Variants in GALC observed in about 807,000 individuals in gnomAD.
GALC encodes the protein galactosylceramidase.
GALC carries 77 observed loss-of-function variants against 91.8 expected under a neutral mutation model. The ratio of observed to expected loss-of-function variants is 0.84; its 90% CI spans 0.70 to 1.01. The LOEUF is 1.01. Ranked by LOEUF, GALC falls within the 50% of genes least tolerant of loss-of-function variation. GALC has a pLI of 0.00. For synonymous variants in GALC, 357 were observed against 306.7 expected, an observed-to-expected ratio of 1.16 and a Z score of -1.71; for missense variants, 882 against 855.9, an observed-to-expected ratio of 1.03 and a Z score of -0.38.
chr14:87,936,515 G>C (rs916226306), intron 16 of GALC, among the ~76,000 whole-genome samples: 1 of 151,664 alleles, frequency 6.6e-6, no homozygotes, highest in Admixed American at 6.6e-5. Flanking sequence ...GGCCCACGAA[G>C]TCTAAAATAT....
intron 15 of GALC, among the ~76,000 whole-genome samples, chr14:87,940,619 T>A (rs888999546): frequency 6.6e-6 from 1 of 151,968 alleles, no homozygotes; most frequent in African/African-American, 2.4e-5. Context: ...TAAGTTCAGA[T>A]TGGTAATGCT....
At chr14:87,948,062 G>C (rs1027339880) in intron 12 of GALC, among the ~76,000 whole-genome samples, 184 bp from the exon 13 acceptor site, 19 of 151,936 alleles carry the variant, frequency 1.3e-4, no homozygotes, top group African/African-American at 4.6e-4. Context: ...AAGTATTTTA[G>C]AAAACTTTAT....
Position 87,947,850 on chromosome 14 carries a change from A to G in GALC, c.1367T>C (p.Leu456Pro). The G allele has an allele frequency of 6.2e-7, 1 of 1,612,564 alleles. No homozygotes were observed. The highest frequency in any genetic ancestry group is 1.3e-5 in the African/African-American group (1 of 74,922). ...WLLDSDGSFTLSLHEDELFTL... is the reference protein window; with the variant it reads ...WLLDSDGSFTPSLHEDELFTL... ...GAACAGCTCATCTTCATGCAGGCTC[A>G]GTGTGAAACTGCCATCGCTGTCAAG... Residue 456 changes from leucine to proline, a missense_variant, in exon 13 of 17, where the codon CTG becomes CCG. Physicochemically the swap from Leu to Pro is moderately conservative, Grantham distance 98. Transcript: ENST00000261304.
intron 7 of GALC, among the ~76,000 whole-genome samples, chr14:87,975,992 T>C (rs1244695092): frequency 6.6e-6 from 1 of 152,204 alleles, no homozygotes; most frequent in Non-Finnish European, 1.5e-5. Context: ...AAAGTGTTCA[T>C]GCAAGAACTT....
intron 10 of GALC, 119 bp from the exon 11 acceptor site, chr14:87,950,867 T>G: frequency 1.5e-6 from 1 of 647,094 alleles, no homozygotes; most frequent in Non-Finnish European, 2.8e-6. Context: ...ATAACAAATA[T>G]GAGTTTATTT....
intron 6 of GALC, among the ~76,000 whole-genome samples, chr14:87,979,476 T>C (rs904155982): frequency 2.0e-5 from 3 of 152,246 alleles, no homozygotes; most frequent in African/African-American, 7.2e-5. Flanking sequence ...AAGTCTGAAC[T>C]GTCTGAAACA....
intron 4 of GALC, among the ~76,000 whole-genome samples, chr14:87,985,772 A>G (rs911195352): frequency 2.6e-5 from 4 of 152,216 alleles, no homozygotes; most frequent in African/African-American, 9.7e-5. Flanking sequence ...AAAGTATCCC[A>G]TCACTCTTGA....
intron 7 of GALC, among the ~76,000 whole-genome samples, chr14:87,971,483 T>C (rs1886291288): frequency 6.6e-6 from 1 of 152,170 alleles, no homozygotes; most frequent in Non-Finnish European, 1.5e-5. Flanking sequence ...TAGACAATTT[T>C]AAGTTGTCTA....
At chr14:87,990,345 T>C (rs574811130) in intron 1 of GALC, among the ~76,000 whole-genome samples, 2 of 152,342 alleles carry the variant, frequency 1.3e-5, no homozygotes, top group East Asian at 3.9e-4. Flanking sequence ...ATTAATAAGC[T>C]ATGTAATCAT....
intron 14 of GALC, among the ~76,000 whole-genome samples, chr14:87,944,744 C>T (rs1447011890): frequency 4.6e-5 from 7 of 151,984 alleles, no homozygotes; most frequent in Non-Finnish European, 1.5e-5. Flanking sequence ...TAAACACTTT[C>T]TGCACACTCC....
rs1884968987 is a variant in GALC, at chr14:87,944,033, T to G, written c.1670+1520A>C. On this transcript the variant is annotated intron_variant, in intron 14 of 16. Coordinates refer to ENST00000261304, the MANE Select transcript of GALC (RefSeq NM_000153.4). Reference sequence around the variant, plus strand: ...GACACGCAAAATTGCAACTTCCCGGTTCCTTTCCTTTCAGAATATGTCACT... The same window carrying G: ...GACACGCAAAATTGCAACTTCCCGGGTCCTTTCCTTTCAGAATATGTCACT... Among the ~76,000 whole-genome samples, 3 of 151,972 alleles carry G rather than the reference T, an allele frequency of 2.0e-5. No individual in the cohort carries two copies. The South Asian group carries it at 6.2e-4, about 32-fold the overall frequency.
chr14:87,983,807 G>A (rs999375081), intron 5 of GALC, among the ~76,000 whole-genome samples: 2 of 152,162 alleles, frequency 1.3e-5, no homozygotes, highest in Admixed American at 6.5e-5. Context: ...TTTGTGACAG[G>A]TGAACGCAGA....
chr14:87,963,233 T>C (rs189857904), intron 10 of GALC, 151 bp downstream of exon 10: 66 of 748,434 alleles, frequency 8.8e-5, no homozygotes, highest in South Asian at 8.6e-4. Flanking sequence ...TTACGACTCA[T>C]GGCTAAAATT....
At position 87,949,922 on chromosome 14, in the gene GALC, GTATTT is replaced by G; in HGVS notation, c.1256_1260del (p.Glu419AlafsTer20). Reference sequence around the variant, plus strand: ...TTGGTATACCATACCTGTAGCTCTGGTATTTCACTCTGTAAAGAAAAGACAAAAAA... The same window carrying G: ...TTGGTATACCATACCTGTAGCTCTGGCACTCTGTAAAGAAAAGACAAAAAA... On this transcript the variant is annotated frameshift_variant, in exon 12 of 17. Transcript: ENST00000261304. LOFTEE classifies it high-confidence loss of function. 6.4e-7 allele frequency: 1 copy of G among 1,559,490 alleles called. No individual in the cohort carries two copies. Among genetic ancestry groups the G allele is most frequent in the South Asian group, 1.1e-5 (1 of 89,864 alleles).
At chr14:87,950,960 G>A (rs942187653) in intron 10 of GALC, among the ~76,000 whole-genome samples, 13 of 151,628 alleles carry the variant, frequency 8.6e-5, no homozygotes, top group East Asian at 5.8e-4. Context: ...GGTCAATGGC[G>A]TTTCAACTGG....
intron 16 of GALC, among the ~76,000 whole-genome samples, chr14:87,935,588 A>G (rs1884537434): frequency 6.6e-6 from 1 of 152,074 alleles, no homozygotes; most frequent in African/African-American, 2.4e-5. Flanking sequence ...CATTCTACTT[A>G]GCTCAGTGCC....
rs1885374455 is a variant in GALC, at chr14:87,952,955, T to C, written c.1162-2207A>G. The C allele has an allele frequency of 9.0e-6, 8 of 893,746 alleles. No individual in the cohort carries two copies. In the East Asian group the frequency reaches 2.0e-4, roughly 22 times the overall value. 55.4% of individuals were successfully genotyped at this position (893,746 alleles called of 1,614,324 possible). A position where few individuals can be genotyped will look rare whatever the true frequency, so the allele number is the denominator to read the frequency against. The stretch of plus-strand genomic sequence containing the variant: ...ATGAACAGCCTAAACATCAGTCAGA[T>C]ATCTGTGGTCAGAACTTTCACTCAA... On this transcript the variant is annotated intron_variant, in intron 10 of 16. Transcript: ENST00000261304.
chr14:87,944,694 A>AT (rs1341997455), intron 14 of GALC, among the ~76,000 whole-genome samples: 1 of 152,010 alleles, frequency 6.6e-6, no homozygotes, highest in Non-Finnish European at 1.5e-5. Flanking sequence ...TGGGACTAGA[A>AT]TCAGGATTTC....
At position 87,934,688 on chromosome 14, in the gene GALC, G is replaced by A; in HGVS notation, c.*44C>T. On this transcript the variant is annotated 3_prime_UTR_variant, in exon 17 of 17. Transcript: ENST00000261304. Reference sequence around the variant, plus strand: ...ATTGGCTCTGAACCAAAACCAAAAAGAAGGGAAGAAAATCCAGAGTATTCT... The same window carrying A: ...ATTGGCTCTGAACCAAAACCAAAAAAAAGGGAAGAAAATCCAGAGTATTCT... 1 of 1,612,026 alleles carries A rather than the reference G, an allele frequency of 6.2e-7. No homozygotes were observed. The highest frequency in any genetic ancestry group is 8.5e-7 in the Non-Finnish European group (1 of 1,178,904).
Sources: allele counts gnomAD v4.1 joint callset (sites outside exome capture counted in the v4.1 genomes callset), GRCh38; gene constraint gnomAD v4.1.1; transcripts MANE v1.5; gene names NCBI Gene and HGNC (gene_info 2026-07-23, HGNC 2026-07-21).